The following RNF130 variants were observed in gnomAD, a reference collection of about 807,000 sequenced individuals.
RNF130 encodes the protein ring finger protein 130, also known as E3 ubiquitin-protein ligase RNF130.
RNF130 carries 21 observed loss-of-function variants against 44.6 expected under a neutral mutation model. The observed-to-expected ratio is 0.47, with a 90% confidence interval of 0.33 to 0.68. RNF130 has a LOEUF of 0.68. RNF130 is among the 30% of genes least tolerant of loss of function. RNF130 has a pLI of 0.02. For synonymous variants in RNF130, 214 were observed against 210.4 expected, an observed-to-expected ratio of 1.02 and a Z score of -0.15; for missense variants, 479 against 560.6, an observed-to-expected ratio of 0.85 and a Z score of 1.47.
At chr5:180,064,119 T>C (rs1341671802) in intron 1 of RNF130, among the ~76,000 whole-genome samples, 2 of 152,216 alleles carry the variant, frequency 1.3e-5, no homozygotes, top group East Asian at 3.9e-4. Context: ...TTTATGTCCA[T>C]GGATTTAAGC....
chr5:180,037,894 T>C (rs1764284883), intron 2 of RNF130, among the ~76,000 whole-genome samples: 4 of 152,180 alleles, frequency 2.6e-5, no homozygotes, highest in Admixed American at 2.6e-4. Context: ...ACACCTCCAC[T>C]GTTTGCCTTA....
chr5:179,948,961 A>ATTTT (rs554440602), intron 7 of RNF130, among the ~76,000 whole-genome samples: 31 of 128,596 alleles, frequency 2.4e-4, no homozygotes, highest in African/African-American at 8.2e-4. Flanking sequence ...CCTTGGAATA[A>ATTTT]TTTTTTTTTT....
At position 180,064,064 on chromosome 5, in the gene RNF130, A is replaced by G. The variant is rs527261877; in HGVS notation, c.247+7392T>C. ...AGGAGGGAAGTGCCAGAGAAAATGG[A>G]AACACTATGAGCTAGGCAACGTAGG... On this transcript the variant is annotated intron_variant, in intron 1 of 8. Transcript: ENST00000521389. 1.8e-3 allele frequency among the ~76,000 whole-genome samples: 273 copies of G among 152,312 alleles called. 1 individual carries two copies. Among genetic ancestry groups the G allele is most frequent in the African/African-American group, 6.3e-3 (263 of 41,554 alleles).
At chr5:179,928,516 G>C (rs1279659810) in intron 7 of RNF130, among the ~76,000 whole-genome samples, 3 of 151,992 alleles carry the variant, frequency 2.0e-5, no homozygotes, top group African/African-American at 7.3e-5. Flanking sequence ...TGTTTCTTTT[G>C]CTCATTTTCC....
At chr5:180,019,208 C>T (rs1187495755) in intron 2 of RNF130, among the ~76,000 whole-genome samples, 6 of 151,694 alleles carry the variant, frequency 4.0e-5, no homozygotes, top group African/African-American at 1.5e-4. Context: ...CACGGTGAAA[C>T]CCCATCTCTA....
At chr5:180,044,941 A>G (rs574474859) in intron 1 of RNF130, among the ~76,000 whole-genome samples, 29 of 152,294 alleles carry the variant, frequency 1.9e-4, no homozygotes, top group African/African-American at 6.7e-4. Context: ...AGACTGAAGG[A>G]GGGAGGAGGG....
chr5:179,976,744 T>C, intron 5 of RNF130: 1 of 152,130 alleles, frequency 6.6e-6, no homozygotes, highest in East Asian at 1.9e-4. Flanking sequence ...TAGATTACTT[T>C]GTAAGTAAAA....
intron 1 of RNF130, among the ~76,000 whole-genome samples, chr5:180,051,734 C>T (rs1408666377): frequency 3.3e-5 from 5 of 152,100 alleles, no homozygotes; most frequent in African/African-American, 1.2e-4. Context: ...TTTTTACATC[C>T]TTAGAACGCA....
chr5:179,975,742 C>G (rs2113713472), intron 5 of RNF130, among the ~76,000 whole-genome samples: 1 of 152,212 alleles, frequency 6.6e-6, no homozygotes, highest in East Asian at 1.9e-4. Context: ...GAAAGACAAC[C>G]AAGTAACAGT....
rs772302827 is a variant in RNF130 at position 179,963,581 on chromosome 5, G to C, written c.1151-17C>G. On this transcript the variant is annotated splice_polypyrimidine_tract_variant and intron_variant, in intron 7 of 8. Coordinates refer to ENST00000521389, the MANE Select transcript of RNF130 (RefSeq NM_018434.6). ...ACCATTCTTCTGTTGACAAAGGAAAGGGAGGAAATCACTCTGGGGAGAAGG... is the reference window on the plus strand; with the variant it reads ...ACCATTCTTCTGTTGACAAAGGAAACGGAGGAAATCACTCTGGGGAGAAGG... The C allele has an allele frequency of 7.0e-6, 11 of 1,569,702 alleles. No homozygotes were observed. Among genetic ancestry groups the C allele is most frequent in the Non-Finnish European group, 9.6e-6 (11 of 1,140,634 alleles).
Position 179,923,275 on chromosome 5 carries a change from G to A in RNF130, c.1151-2849C>T, listed in dbSNP as rs183343393. 5.3e-5 allele frequency among the ~76,000 whole-genome samples: 8 copies of A among 151,690 alleles called. No homozygotes were observed. In the East Asian group the frequency reaches 1.4e-3, roughly 26 times the overall value. ...TTGCATATGGATATCCAATTGTTCC[G>A]TCGTCGATTGTTTAAAAGATTATCC... is the stretch of plus-strand genomic sequence containing the variant. On this transcript the variant is annotated intron_variant, in intron 7 of 7. Coordinates refer to the RNF130 transcript ENST00000522208.
intron 1 of RNF130, among the ~76,000 whole-genome samples, chr5:180,048,433 G>A (rs1455460687): frequency 6.6e-6 from 1 of 152,070 alleles, no homozygotes; most frequent in East Asian, 1.9e-4. Context: ...GACTCACATA[G>A]GAAGAACCAG....
chr5:180,048,730 T>C (rs2113155625), intron 1 of RNF130, among the ~76,000 whole-genome samples: 1 of 152,298 alleles, frequency 6.6e-6, no homozygotes, highest in South Asian at 2.1e-4. Flanking sequence ...CAGGATCTGG[T>C]TCCTTTTCAT....
chr5:180,048,960 C>T (rs1764630120), intron 1 of RNF130, among the ~76,000 whole-genome samples: 1 of 152,216 alleles, frequency 6.6e-6, no homozygotes, highest in African/African-American at 2.4e-5. Flanking sequence ...TTCTGGGACT[C>T]AAACAGGTGT....
chr5:180,046,167 T>C (rs1764561714), intron 1 of RNF130, among the ~76,000 whole-genome samples: 4 of 152,140 alleles, frequency 2.6e-5, no homozygotes, highest in Admixed American at 2.0e-4. Flanking sequence ...CAGCGCACCC[T>C]CCGCAGCTGC....
At chr5:180,003,508 T>C (rs1440092994) in intron 3 of RNF130, among the ~76,000 whole-genome samples, 1 of 152,254 alleles carries the variant, frequency 6.6e-6, no homozygotes, top group African/African-American at 2.4e-5. Flanking sequence ...ATACCTTCAC[T>C]GTAATTTTTC....
intron 2 of RNF130, among the ~76,000 whole-genome samples, chr5:180,017,849 T>C (rs1340979020): frequency 3.9e-5 from 6 of 152,226 alleles, no homozygotes; most frequent in Non-Finnish European, 5.9e-5. Flanking sequence ...CATGGTACTT[T>C]AACCTCTTTG....
At chr5:180,051,409 C>T (rs1385263778) in intron 1 of RNF130, among the ~76,000 whole-genome samples, 1 of 152,016 alleles carries the variant, frequency 6.6e-6, no homozygotes, top group Non-Finnish European at 1.5e-5. Context: ...GCCATCACAC[C>T]TGGCTAATTT....
intron 7 of RNF130, among the ~76,000 whole-genome samples, chr5:179,966,322 A>G (rs1254622735): frequency 6.6e-6 from 1 of 152,190 alleles, no homozygotes; most frequent in African/African-American, 2.4e-5. Flanking sequence ...ACTTCCATAA[A>G]AAATGTAAAA....
Sources: allele counts gnomAD v4.1 joint callset (sites outside exome capture counted in the v4.1 genomes callset), GRCh38; gene constraint gnomAD v4.1.1; transcripts MANE v1.5; gene names NCBI Gene and HGNC (gene_info 2026-07-23, HGNC 2026-07-21).